The following MYRIP variants were observed in gnomAD, a reference collection of about 807,000 sequenced individuals.
MYRIP encodes the protein myosin VIIA and Rab interacting protein.
Under a neutral mutation model 98.0 loss-of-function variants are expected in MYRIP, and 49 were observed. That is an observed-to-expected ratio of 0.50 (90% CI 0.40 to 0.63). The LOEUF is 0.63. MYRIP is among the 30% of genes least tolerant of loss of function. The pLI is 0.00. For synonymous variants in MYRIP, 404 were observed against 409.5 expected (o/e 0.99, Z 0.16); for missense variants, 1,004 against 1,058.2 (o/e 0.95, Z 0.71).
intron 2 of MYRIP, among the ~76,000 whole-genome samples, chr3:40,041,021 A>AG (rs1389121126): frequency 5.0e-5 from 4 of 79,912 alleles, no homozygotes; most frequent in South Asian, 3.7e-4. Context: ...TATTACCAGC[A>AG]GAAAAAAAAA....
intron 2 of MYRIP, among the ~76,000 whole-genome samples, chr3:39,992,316 T>C (rs1482650610): frequency 6.6e-6 from 1 of 152,190 alleles, no homozygotes; most frequent in Non-Finnish European, 1.5e-5. Context: ...TTCCACCACC[T>C]TGAGCCCCCA....
chr3:40,252,086 T>A (rs1425540518), intron 16 of MYRIP, 87 bp downstream of exon 16: 9 of 1,012,236 alleles, frequency 8.9e-6, no homozygotes, highest in Non-Finnish European at 1.4e-5. Flanking sequence ...AGCTCCCGCA[T>A]CAGAACCCCC....
intron 16 of MYRIP, among the ~76,000 whole-genome samples, chr3:40,257,841 A>C (rs1018684048): frequency 2.0e-5 from 3 of 152,192 alleles, no homozygotes; most frequent in African/African-American, 4.8e-5. Context: ...ACTAGTAAAG[A>C]AGGTATGGAT....
At chr3:39,814,281 G>T (rs1019192149) in intron 1 of MYRIP, among the ~76,000 whole-genome samples, 22 of 152,150 alleles carry the variant, frequency 1.4e-4, no homozygotes, top group African/African-American at 5.1e-4. Context: ...GTATTAATCA[G>T]ATGTTTTGAT....
intron 2 of MYRIP, among the ~76,000 whole-genome samples, chr3:40,041,022 GAAAA>G: frequency 2.4e-4 from 10 of 41,198 alleles, no homozygotes; most frequent in African/African-American, 8.8e-4. Flanking sequence ...ATTACCAGCA[GAAAA>G]AAAAAAAAAA....
chr3:40,208,390 C>T (rs189834055), intron 10 of MYRIP, among the ~76,000 whole-genome samples: 1 of 152,262 alleles, frequency 6.6e-6, no homozygotes, highest in Admixed American at 6.5e-5. Context: ...CCAGTGACCC[C>T]GATGGTATGC....
At position 40,208,729 on chromosome 3, in the gene MYRIP, G is replaced by A. The variant is rs542351040; in HGVS notation, c.1666-1125G>A. Reference sequence around the variant, plus strand: ...TGAATCTCAACTCAGAGTCCCTTCCGCAGGGAAGTTTTCCCTAATCCTCAA... The same window carrying A: ...TGAATCTCAACTCAGAGTCCCTTCCACAGGGAAGTTTTCCCTAATCCTCAA... On this transcript the variant is annotated intron_variant, in intron 10 of 16. Coordinates refer to ENST00000302541, the MANE Select transcript of MYRIP (RefSeq NM_015460.4). Among the ~76,000 whole-genome samples the A allele has an allele frequency of 2.6e-5, 4 of 152,148 alleles. No individual in the cohort carries two copies. The East Asian group carries it at 7.7e-4, about 29-fold the overall frequency.
chr3:40,190,061 C>T lies in MYRIP; in HGVS notation c.1263C>T (p.Pro421=). Residue 421 remains proline, a synonymous_variant, in exon 10 of 17, where the codon CCC becomes CCT. Coordinates refer to ENST00000302541, the MANE Select transcript of MYRIP (RefSeq NM_015460.4). ...CPRSRALPRN[P]QPQPTQAQSS... is the part of the protein sequence containing the mutation. ...GGTCCCGGGCCCTGCCCAGGAACCC[C>T]CAGCCTCAGCCCACACAGGCCCAGA... 1 of 1,613,990 alleles carries T rather than the reference C, an allele frequency of 6.2e-7. No individual in the cohort carries two copies. The highest frequency in any genetic ancestry group is 1.3e-5 in the African/African-American group (1 of 75,036).
intron 3 of MYRIP, among the ~76,000 whole-genome samples, chr3:40,097,553 T>G (rs1471316107): frequency 1.3e-5 from 2 of 152,018 alleles, no homozygotes; most frequent in African/African-American, 4.8e-5. Flanking sequence ...GAGTAGATCT[T>G]TCTATTCAGA....
chr3:39,814,906 A>G (rs914451396), intron 1 of MYRIP, among the ~76,000 whole-genome samples: 1 of 152,094 alleles, frequency 6.6e-6, no homozygotes, highest in South Asian at 2.1e-4. Flanking sequence ...ATCTCTATAC[A>G]TTATTTTGTA....
At chr3:40,139,479 A>G (rs1188648595) in intron 3 of MYRIP, among the ~76,000 whole-genome samples, 1 of 152,170 alleles carries the variant, frequency 6.6e-6, no homozygotes, top group Non-Finnish European at 1.5e-5. Flanking sequence ...CTTCTTTTAA[A>G]ATTTCATTTA....
At chr3:39,876,101 T>A (rs1575331468) in intron 1 of MYRIP, among the ~76,000 whole-genome samples, 1 of 152,216 alleles carries the variant, frequency 6.6e-6, no homozygotes, top group Non-Finnish European at 1.5e-5. Flanking sequence ...CATAATGGCC[T>A]TTTTTGTCTC....
At chr3:40,170,167 G>C in intron 8 of MYRIP, 74 bp downstream of exon 8, 1 of 1,546,314 alleles carries the variant, frequency 6.5e-7, no homozygotes, top group Non-Finnish European at 8.8e-7. Flanking sequence ...CTCTGTAGTT[G>C]AATCAGGTGG....
intron 1 of MYRIP, among the ~76,000 whole-genome samples, chr3:39,878,524 A>T (rs1445929276): frequency 3.9e-5 from 6 of 152,140 alleles, no homozygotes; most frequent in African/African-American, 9.7e-5. Context: ...TGGTACTTTC[A>T]GAAGGTGTTG....
intron 3 of MYRIP, among the ~76,000 whole-genome samples, chr3:40,103,568 G>T (rs1048457213): frequency 6.6e-6 from 1 of 152,242 alleles, no homozygotes; most frequent in South Asian, 2.1e-4. Context: ...AGACCAGCCT[G>T]ACCAACATGG....
chr3:40,034,191 G>A (rs1947325684), intron 2 of MYRIP, among the ~76,000 whole-genome samples: 1 of 151,620 alleles, frequency 6.6e-6, no homozygotes, highest in Non-Finnish European at 1.5e-5. Flanking sequence ...AACACCAAAA[G>A]CAATGGCAAC....
At chr3:39,916,916 A>C (rs539955801) in intron 2 of MYRIP, among the ~76,000 whole-genome samples, 2 of 152,284 alleles carry the variant, frequency 1.3e-5, no homozygotes, top group South Asian at 2.1e-4. Context: ...CAACAGCCCA[A>C]GGGAAAACAT....
intron 1 of MYRIP, among the ~76,000 whole-genome samples, chr3:39,876,103 T>C (rs370882597): frequency 6.6e-6 from 1 of 152,148 alleles, no homozygotes; most frequent in Non-Finnish European, 1.5e-5. Context: ...TAATGGCCTT[T>C]TTTGTCTCTT....
At chr3:40,127,609 G>T (rs971322537) in intron 3 of MYRIP, among the ~76,000 whole-genome samples, 3 of 152,228 alleles carry the variant, frequency 2.0e-5, no homozygotes, top group Non-Finnish European at 2.9e-5. Flanking sequence ...TAGGTGCCAG[G>T]ATTTTCCCAC....
Sources: allele counts gnomAD v4.1 joint callset (sites outside exome capture counted in the v4.1 genomes callset), GRCh38; gene constraint gnomAD v4.1.1; transcripts MANE v1.5; gene names NCBI Gene and HGNC (gene_info 2026-07-23, HGNC 2026-07-21).